PXDC1: variants seen among roughly 807,000 people sequenced by gnomAD.
PXDC1 encodes the protein PX domain containing 1.
In PXDC1, 13 loss-of-function variants were observed where a neutral mutation model predicts 24.4. That is an observed-to-expected ratio of 0.53 (90% CI 0.35 to 0.85). The LOEUF (loss-of-function observed/expected upper bound fraction) is 0.85. Ranked by LOEUF, PXDC1 falls within the 40% of genes least tolerant of loss-of-function variation. PXDC1 has a pLI of 0.01. For synonymous variants in PXDC1, 162 were observed against 124.9 expected (o/e 1.30, Z -1.98); for missense variants, 344 against 309.3 (o/e 1.11, Z -0.84).
Position 3,737,577 on chromosome 6 carries a change from G to A in PXDC1, c.349-381C>T. The A allele has an allele frequency of 1.2e-6, 1 of 817,734 alleles. No individual in the cohort carries two copies. The highest frequency in any genetic ancestry group is 5.5e-5 in the South Asian group (1 of 18,030). The allele number at this position is 817,734 out of a possible 1,614,324, so 50.7% of individuals were successfully genotyped here. On this transcript the variant is annotated intron_variant, in intron 2 of 4. Transcript: ENST00000380283. The surrounding 1 kb of genome is among the most constrained non-coding windows in gnomAD (Gnocchi z 5.5). ...GAGGTCTGCCTGGCGCTCAAGTCCA[G>A]GTTCTTAACCACCACTCACGACGAA...
intron 1 of PXDC1, among the ~76,000 whole-genome samples, chr6:3,748,391 A>G (rs1468123013): frequency 6.6e-6 from 1 of 152,114 alleles, no homozygotes; most frequent in Non-Finnish European, 1.5e-5. Context: ...AGAGGACAGA[A>G]GCTGGGCAAG....
chr6:3,737,039 C>T lies in PXDC1; in HGVS notation c.466+40G>A, dbSNP rs899828171. On this transcript the variant is annotated intron_variant, in intron 3 of 4. Transcript: ENST00000380283. The surrounding 1 kb of genome is among the most constrained non-coding windows in gnomAD (Gnocchi z 5.5). Reference sequence around the variant, plus strand: ...GGTTTCTGTGACATCTCAGCCTCAACAGCAGTCCCTCCCACCAACGCCTCC... The same window carrying T: ...GGTTTCTGTGACATCTCAGCCTCAATAGCAGTCCCTCCCACCAACGCCTCC... 1.7e-6 allele frequency: 2 copies of T among 1,207,782 alleles called. No individual in the cohort carries two copies. The highest frequency in any genetic ancestry group is 1.2e-6 in the Non-Finnish European group (1 of 809,492). The allele number at this position is 1,207,782 out of a possible 1,614,324, so 74.8% of individuals were successfully genotyped here. A position where few individuals can be genotyped will look rare whatever the true frequency, so the allele number is the denominator to read the frequency against.
At chr6:3,743,934 G>A (rs1760506348) in intron 1 of PXDC1, among the ~76,000 whole-genome samples, 1 of 152,194 alleles carries the variant, frequency 6.6e-6, no homozygotes, top group African/African-American at 2.4e-5. Context: ...AAGTGGCTGA[G>A]GAAAAACAGA....
chr6:3,751,329 C>T lies in PXDC1; in HGVS notation c.203G>A (p.Arg68His), dbSNP rs1581255898. The T allele has an allele frequency of 1.3e-6, 2 of 1,550,738 alleles. No individual in the cohort carries two copies. Among genetic ancestry groups the T allele is most frequent in the Non-Finnish European group, 1.7e-6 (2 of 1,152,340 alleles). The change falls in exon 1 of 5, where the codon CGC (arginine) becomes CAC (histidine). Residue 68 changes from arginine to histidine, a missense_variant. By Grantham distance (29) the Arg-to-His change is conservative. Coordinates refer to ENST00000380283, the MANE Select transcript of PXDC1 (RefSeq NM_183373.4). ...GGACCGGTCCTCGGGAAAGGCGTCGCGCAGGCGCTGCCACAGGCGGCCCAG... is the reference window on the plus strand; with the variant it reads ...GGACCGGTCCTCGGGAAAGGCGTCGTGCAGGCGCTGCCACAGGCGGCCCAG... ...ADLGRLWQRL[R>H]DAFPEDRSEL...
rs987217011 is a variant in PXDC1, at chr6:3,725,826, G to A, written c.578+1725C>T. Among the ~76,000 whole-genome samples, 1 of 152,222 alleles carries A rather than the reference G, an allele frequency of 6.6e-6. No individual in the cohort carries two copies. The highest frequency in any genetic ancestry group is 6.5e-5 in the Admixed American group (1 of 15,294). On this transcript the variant is annotated intron_variant, in intron 4 of 4. Transcript: ENST00000380283. The surrounding 1 kb of genome is among the most constrained non-coding windows in gnomAD (Gnocchi z 4.8). ...AGAAAGGCCCGGCAAGCCCAAGTCG[G>A]AACTCCCTCCAGATGCTCCCGAGCC... is the stretch of plus-strand genomic sequence containing the variant.
chr6:3,732,630 T>C (rs746661137), intron 3 of PXDC1, among the ~76,000 whole-genome samples: 6 of 152,364 alleles, frequency 3.9e-5, no homozygotes, highest in East Asian at 1.9e-4. Context: ...GCTGTACTGG[T>C]TGGAAGCACT....
intron 1 of PXDC1, among the ~76,000 whole-genome samples, chr6:3,740,095 A>T (rs1054892097): frequency 2.0e-5 from 3 of 152,264 alleles, no homozygotes; most frequent in Non-Finnish European, 4.4e-5. Context: ...TCAGTTTACA[A>T]GATCGGCTTC....
At position 3,728,229 on chromosome 6, in the gene PXDC1, A is replaced by T. The variant is rs554479969; in HGVS notation, c.467-567T>A. Among the ~76,000 whole-genome samples the T allele has an allele frequency of 2.0e-5, 3 of 152,244 alleles. No homozygotes were observed. The South Asian group carries it at 6.2e-4, about 32-fold the overall frequency. On this transcript the variant is annotated intron_variant, in intron 3 of 4. Coordinates refer to ENST00000380283, the MANE Select transcript of PXDC1 (RefSeq NM_183373.4). The surrounding 1 kb of genome is among the most constrained non-coding windows in gnomAD (Gnocchi z 4.0). ...GCGGTGATTTCTGAGATTTTGGTGG[A>T]TCCATCACCCAAGCAGGGTACACTA...
rs974843522 is a variant in PXDC1 at position 3,751,630 on chromosome 6, C to A, written c.-99G>T. On this transcript the variant is annotated 5_prime_UTR_variant, in exon 1 of 5. Transcript: ENST00000380283. Reference sequence around the variant, plus strand: ...GGGTCGTCCCGGGTCTGTCCGTGGCCGGGGTCGTCCGGGGTCGGCCCGTCA... The same window carrying A: ...GGGTCGTCCCGGGTCTGTCCGTGGCAGGGGTCGTCCGGGGTCGGCCCGTCA... 7.4e-7 allele frequency: 1 copy of A among 1,342,334 alleles called. No homozygotes were observed. Among genetic ancestry groups the A allele is most frequent in the Non-Finnish European group, 9.5e-7 (1 of 1,052,526 alleles). 83.2% of individuals were successfully genotyped at this position (1,342,334 alleles called of 1,614,324 possible). A position where few individuals can be genotyped will look rare whatever the true frequency, so the allele number is the denominator to read the frequency against.
Position 3,725,530 on chromosome 6 carries a change from C to T in PXDC1, c.579-1794G>A, listed in dbSNP as rs951453512. Among the ~76,000 whole-genome samples, 23 of 152,318 alleles carry T rather than the reference C, an allele frequency of 1.5e-4. No individual in the cohort carries two copies. Among genetic ancestry groups the T allele is most frequent in the African/African-American group, 5.1e-4 (21 of 41,576 alleles). On this transcript the variant is annotated intron_variant, in intron 4 of 4. Transcript: ENST00000380283. This position sits in a 1 kb window ranked among gnomAD's most constrained non-coding sequence, Gnocchi z 4.8. ...GCCCACTTGCCCCTGGGGCCAGACTCGGGGCAGCCTGCTGAGACTCTGCTG... is the reference window on the plus strand; with the variant it reads ...GCCCACTTGCCCCTGGGGCCAGACTTGGGGCAGCCTGCTGAGACTCTGCTG...
chr6:3,726,022 C>A (rs1220383784), intron 4 of PXDC1, among the ~76,000 whole-genome samples: 1 of 152,214 alleles, frequency 6.6e-6, no homozygotes, highest in Non-Finnish European at 1.5e-5. Flanking sequence ...TCTGGCCCGG[C>A]TTTCTTCCCT....
intron 3 of PXDC1, among the ~76,000 whole-genome samples, chr6:3,735,689 A>G (rs1581245740): frequency 6.6e-6 from 1 of 152,346 alleles, no homozygotes; most frequent in East Asian, 1.9e-4. Context: ...GTACTACTGC[A>G]CAGTAAGGTG....
chr6:3,745,198 T>TG (rs544032007), intron 1 of PXDC1, among the ~76,000 whole-genome samples: 89 of 152,192 alleles, frequency 5.8e-4, no homozygotes, highest in Non-Finnish European at 1.0e-3. Flanking sequence ...CCAGGGTATA[T>TG]GGGGGGGCCA....
intron 3 of PXDC1, among the ~76,000 whole-genome samples, chr6:3,729,318 G>A (rs1459872618): frequency 6.6e-6 from 1 of 152,140 alleles, no homozygotes; most frequent in Non-Finnish European, 1.5e-5. Flanking sequence ...CAAAAATGAG[G>A]AAAGAGAAAC....
intron 1 of PXDC1, among the ~76,000 whole-genome samples, chr6:3,741,206 G>C (rs1452029601): frequency 6.6e-6 from 1 of 152,222 alleles, no homozygotes; most frequent in Non-Finnish European, 1.5e-5. Context: ...CACTAAAACT[G>C]CTGAGCCACA....
At position 3,725,405 on chromosome 6, in the gene PXDC1, G is replaced by A. The variant is rs757272074; in HGVS notation, c.579-1669C>T. Among the ~76,000 whole-genome samples, 2 of 152,216 alleles carry A rather than the reference G, an allele frequency of 1.3e-5. No individual in the cohort carries two copies. The highest frequency in any genetic ancestry group is 2.9e-5 in the Non-Finnish European group (2 of 68,036). ...GCCAGGCAATCCCTTCGCCAGCTGAGACTGTCACCTGCAGAGCCCCAGAAG... is the reference window on the plus strand; with the variant it reads ...GCCAGGCAATCCCTTCGCCAGCTGAAACTGTCACCTGCAGAGCCCCAGAAG... On this transcript the variant is annotated intron_variant, in intron 4 of 4. Transcript: ENST00000380283. This position sits in a 1 kb window ranked among gnomAD's most constrained non-coding sequence, Gnocchi z 4.8.
intron 3 of PXDC1, among the ~76,000 whole-genome samples, chr6:3,736,032 A>AC (rs1760308062): frequency 1.3e-5 from 2 of 151,922 alleles, no homozygotes; most frequent in African/African-American, 4.8e-5. Context: ...GAACCTGCCC[A>AC]CCCCACCCAG....
At chr6:3,749,673 T>C (rs918359451) in intron 1 of PXDC1, among the ~76,000 whole-genome samples, 1 of 151,974 alleles carries the variant, frequency 6.6e-6, no homozygotes, top group Non-Finnish European at 1.5e-5. Flanking sequence ...CAATGACAAC[T>C]GGCATTTATG....
chr6:3,723,727 A>G lies in PXDC1; in HGVS notation c.588T>C (p.Asn196=), dbSNP rs1446256656. 1 of 1,614,058 alleles carries G rather than the reference A, an allele frequency of 6.2e-7. No homozygotes were observed. The highest frequency in any genetic ancestry group is 2.2e-5 in the East Asian group (1 of 44,888). Residue 196 remains asparagine, a synonymous_variant, in exon 5 of 5, where the codon AAT becomes AAC. Coordinates refer to ENST00000380283, the MANE Select transcript of PXDC1 (RefSeq NM_183373.4). ...CCAGCTCTGAGGGAAACTCACTGCC[A>G]TTCTCAAATCTGAAATTAGAGAAAC... The part of the protein sequence containing the change: ...GVDPTEHLFE[N]GSEFPSELED...
Sources: allele counts gnomAD v4.1 joint callset (sites outside exome capture counted in the v4.1 genomes callset), GRCh38; gene constraint gnomAD v4.1.1; non-coding constraint Gnocchi (gnomAD v3.1); transcripts MANE v1.5; gene names NCBI Gene and HGNC (gene_info 2026-07-23, HGNC 2026-07-21).